Variants in USP17L2 observed in about 807,000 individuals in gnomAD.
USP17L2 encodes the protein ubiquitin specific peptidase 17 like family member 2, also known as ubiquitin carboxyl-terminal hydrolase 17.
In USP17L2, 29 loss-of-function variants were observed where a neutral mutation model predicts 39.8. The observed-to-expected ratio is 0.73, with a 90% CI of 0.54 to 0.99. USP17L2 has a LOEUF of 0.99. USP17L2 is among the 50% of genes least tolerant of loss of function. The probability of loss-of-function intolerance (pLI) is 0.00; values close to 1 mark genes in which losing one functional copy is unlikely to be tolerated. For synonymous variants in USP17L2, 231 were observed against 252.7 expected, an observed-to-expected ratio of 0.91 and a Z score of 0.81; for missense variants, 567 against 647.2, an observed-to-expected ratio of 0.88 and a Z score of 1.35.
Position 12,137,126 on chromosome 8 carries a change from T to C in USP17L2, c.*42A>G, listed in dbSNP as rs1484354249. The C allele has an allele frequency of 5.3e-6, 8 of 1,507,812 alleles. 3 individuals are homozygous for C. The East Asian group carries it at 7.9e-5, about 15-fold the overall frequency. 93.4% of individuals were successfully genotyped at this position (1,507,812 alleles called of 1,614,324 possible). On this transcript the variant is annotated 3_prime_UTR_variant, in exon 1 of 1. Coordinates refer to ENST00000333796, the MANE Select transcript of USP17L2 (RefSeq NM_201402.3). The stretch of plus-strand genomic sequence containing the variant: ...GTGGGTGTATTTGTGCGTGTGTGTG[T>C]GTGCGTTCACCCCTACGTGTGGGTC...
rs749798175 is a variant in USP17L2, at chr8:12,138,575, A to G, written c.186T>C (p.Leu62=). 3.7e-5 allele frequency: 56 copies of G among 1,530,894 alleles called. 6 individuals are homozygous for G. Among genetic ancestry groups the G allele is most frequent in the Admixed American group, 1.6e-4 (9 of 55,844 alleles). 94.8% of individuals were successfully genotyped at this position (1,530,894 alleles called of 1,614,324 possible). A position where few individuals can be genotyped will look rare whatever the true frequency, so the allele number is the denominator to read the frequency against. Residue 62 remains leucine, a synonymous_variant, in exon 1 of 1, where the codon CTT becomes CTC. Coordinates refer to ENST00000333796, the MANE Select transcript of USP17L2 (RefSeq NM_201402.3). The part of the protein sequence containing the change: ...CDDLAPVARQ[L]APRKKLPLSS... ...TCAGAGGAAGCTTCTTCCTGGGAGCAAGCTGTCTTGCCACAGGAGCCAAAT... is the reference window on the plus strand; with the variant it reads ...TCAGAGGAAGCTTCTTCCTGGGAGCGAGCTGTCTTGCCACAGGAGCCAAAT...
rs759007772 is a variant in USP17L2, at chr8:12,138,685, C to A, written c.76G>T (p.Asp26Tyr). 2.0e-6 allele frequency: 3 copies of A among 1,486,526 alleles called. No homozygotes were observed. The highest frequency in any genetic ancestry group is 3.0e-5 in the African/African-American group (2 of 67,360). 92.1% of individuals were successfully genotyped at this position (1,486,526 alleles called of 1,614,324 possible). The change falls in exon 1 of 1, where the codon GAT becomes TAT. Residue 26 changes from aspartate to tyrosine, a missense_variant. Physicochemically the swap from Asp to Tyr is radical, Grantham distance 160. Around this residue, in one of 6 missense-constraint regions of USP17L2, gnomAD observed 120 missense variants for 111.0 expected, o/e 1.08. Coordinates refer to ENST00000333796, the MANE Select transcript of USP17L2 (RefSeq NM_201402.3). ...CGCTGGATTTCAGCAAAAGCTGCAT[C>A]TGGCCGAGAAGATGTGAGTTTTGAA... ...HFSKLTSSRP[D>Y]AAFAEIQRTS...
rs982088147 is a variant in USP17L2, at chr8:12,136,573, G to C, written c.*595C>G. Among the ~76,000 whole-genome samples the C allele has an allele frequency of 1.4e-5, 2 of 140,478 alleles. 1 individual carries two copies. Among genetic ancestry groups the C allele is most frequent in the Admixed American group, 1.4e-4 (2 of 13,812 alleles). The allele number at this position is 140,478 out of a possible 152,430, so 92.2% of individuals were successfully genotyped here. On this transcript the variant is annotated 3_prime_UTR_variant, in exon 1 of 1. Coordinates refer to ENST00000333796, the MANE Select transcript of USP17L2 (RefSeq NM_201402.3). ...GGTCTGTCTGTTTCCGGCGTTATGT[G>C]GGTTCCAGCAAGAGCACAAGTCCCA...
chr8:12,137,000 G>T lies in USP17L2; in HGVS notation c.*168C>A, dbSNP rs1206385012. Among the ~76,000 whole-genome samples, 2 of 140,844 alleles carry T rather than the reference G, an allele frequency of 1.4e-5. No homozygotes were observed. The highest frequency in any genetic ancestry group is 3.1e-5 in the Non-Finnish European group (2 of 64,970). The allele number at this position is 140,844 out of a possible 152,430, so 92.4% of individuals were successfully genotyped here. A position where few individuals can be genotyped will look rare whatever the true frequency, so the allele number is the denominator to read the frequency against. On this transcript the variant is annotated 3_prime_UTR_variant, in exon 1 of 1. Coordinates refer to ENST00000333796, the MANE Select transcript of USP17L2 (RefSeq NM_201402.3). ...CCTGAGATGCAGCCATCACTATCCA[G>T]TTGTCCCTGTTGTAGAGACAGAAAC...
rs1249089358 is a variant in USP17L2 at position 12,136,609 on chromosome 8, G to A, written c.*559C>T. On this transcript the variant is annotated 3_prime_UTR_variant, in exon 1 of 1. Transcript: ENST00000333796. ...AGAGCACAAGTCCCAGGGCGCCTGA[G>A]GTCCATTCAGAAACCAATGTAAAAA... Among the ~76,000 whole-genome samples, 1 of 140,368 alleles carries A rather than the reference G, an allele frequency of 7.1e-6. No homozygotes were observed. Among genetic ancestry groups the A allele is most frequent in the South Asian group, 2.5e-4 (1 of 3,978 alleles). The allele number at this position is 140,368 out of a possible 152,430, so 92.1% of individuals were successfully genotyped here. A position where few individuals can be genotyped will look rare whatever the true frequency, so the allele number is the denominator to read the frequency against.
In USP17L2 at chr8:12,138,623, C is replaced by T. The variant is rs762722707; in HGVS notation, c.138G>A (p.Glu46=). The T allele has an allele frequency of 5.2e-6, 8 of 1,530,328 alleles. 3 individuals carry two copies. The highest frequency in any genetic ancestry group is 3.6e-5 in the Admixed American group (2 of 55,868). The allele number at this position is 1,530,328 out of a possible 1,614,324, so 94.8% of individuals were successfully genotyped here. Residue 46 remains glutamate, a synonymous_variant, in exon 1 of 1, where the codon GAG becomes GAA. Coordinates refer to ENST00000333796, the MANE Select transcript of USP17L2 (RefSeq NM_201402.3). ...AATCATCACAGAGGTCGACACGGGC[C>T]TCAGATGAGAGTGGTGACTTCTCAG... ...SLPEKSPLSS[E]ARVDLCDDLA...
rs752766949 is a variant in USP17L2 at position 12,137,492 on chromosome 8, G to T, written c.1269C>A (p.Arg423=). 2 of 1,532,804 alleles carry T rather than the reference G, an allele frequency of 1.3e-6. No individual in the cohort carries two copies. The highest frequency in any genetic ancestry group is 1.8e-6 in the Non-Finnish European group (2 of 1,135,194). 95.0% of individuals were successfully genotyped at this position (1,532,804 alleles called of 1,614,324 possible). Residue 423 remains arginine, a synonymous_variant, in exon 1 of 1, where the codon CGC becomes CGA. Coordinates refer to ENST00000333796, the MANE Select transcript of USP17L2 (RefSeq NM_201402.3). ...TTTCCTGAGTGGCTCTTTCCACCAA[G>T]CGCTCGTCCAACTCGGGTGCCTGGA... is the stretch of plus-strand genomic sequence containing the variant. ...PCLQAPELDE[R]LVERATQEST...
rs1803265723 is a variant in USP17L2 at position 12,137,209 on chromosome 8, T to C, written c.1552A>G (p.Lys518Glu). ...AGAGCCCTCTTGCTGTGTTTGTTCT[T>C]CCCTTTGGATCTCCTGGTCCTCCCT... Reference protein sequence around the residue: ...LQGRTRRSKGKNKHSKRALLV... With the variant: ...LQGRTRRSKGENKHSKRALLV... The change falls in exon 1 of 1, where the codon AAG (lysine) becomes GAG (glutamate). Residue 518 changes from lysine (K) to glutamate (E), a missense_variant. This residue lies in a region of USP17L2 where 304 missense variants were observed against 254.7 expected (regional missense o/e 1.19). Coordinates refer to ENST00000333796, the MANE Select transcript of USP17L2 (RefSeq NM_201402.3). 4 of 1,530,882 alleles carry C rather than the reference T, an allele frequency of 2.6e-6. No individual in the cohort carries two copies. Among genetic ancestry groups the C allele is most frequent in the Non-Finnish European group, 3.5e-6 (4 of 1,135,306 alleles). 94.8% of individuals were successfully genotyped at this position (1,530,882 alleles called of 1,614,324 possible).
rs1803272800 is a variant in USP17L2 at position 12,137,299 on chromosome 8, T to A, written c.1462A>T (p.Asn488Tyr). 6.5e-7 allele frequency: 1 copy of A among 1,531,340 alleles called. No individual in the cohort carries two copies. Among genetic ancestry groups the A allele is most frequent in the Non-Finnish European group, 8.8e-7 (1 of 1,135,276 alleles). 94.9% of individuals were successfully genotyped at this position (1,531,340 alleles called of 1,614,324 possible). The change falls in exon 1 of 1, where the codon AAC becomes TAC. Residue 488 changes from asparagine to tyrosine, a missense_variant. Asn to Tyr is a moderately radical substitution (Grantham distance 143). Around this residue, in one of 6 missense-constraint regions of USP17L2, gnomAD observed 304 missense variants for 254.7 expected, o/e 1.19. Coordinates refer to ENST00000333796, the MANE Select transcript of USP17L2 (RefSeq NM_201402.3). ...HHPEQQSSLL[N>Y]LSSTTRTDQE... ...TCTGTCCGGGTCGTCGAAGAGAGGT[T>A]TAGCAGGGAGCTTTGCTGTTCAGGA...
rs527934167 is a variant in USP17L2, at chr8:12,136,845, C to G, written c.*323G>C. 3.8e-4 allele frequency among the ~76,000 whole-genome samples: 54 copies of G among 140,490 alleles called. 9 individuals are homozygous for G. Among genetic ancestry groups the G allele is most frequent in the Non-Finnish European group, 4.6e-4 (30 of 64,822 alleles). 92.2% of individuals were successfully genotyped at this position (140,490 alleles called of 152,430 possible). A position where few individuals can be genotyped will look rare whatever the true frequency, so the allele number is the denominator to read the frequency against. ...CAATAACCTCACACTCAAACCTACA[C>G]GTCAGTAGGTCATATTCAGAAATAC... On this transcript the variant is annotated 3_prime_UTR_variant, in exon 1 of 1. Coordinates refer to ENST00000333796, the MANE Select transcript of USP17L2 (RefSeq NM_201402.3).
At position 12,136,811 on chromosome 8, in the gene USP17L2, A is replaced by C. The variant is rs1159915621; in HGVS notation, c.*357T>G. Among the ~76,000 whole-genome samples the C allele has an allele frequency of 7.1e-6, 1 of 140,738 alleles. No homozygotes were observed. The highest frequency in any genetic ancestry group is 2.7e-5 in the African/African-American group (1 of 37,344). The allele number at this position is 140,738 out of a possible 152,430, so 92.3% of individuals were successfully genotyped here. A position where few individuals can be genotyped will look rare whatever the true frequency, so the allele number is the denominator to read the frequency against. On this transcript the variant is annotated 3_prime_UTR_variant, in exon 1 of 1. Transcript: ENST00000333796. Reference sequence around the variant, plus strand: ...CACCCCAAGAGAAAATAGGAAACCGAGTCCCCTGCAATAACCTCACACTCA... The same window carrying C: ...CACCCCAAGAGAAAATAGGAAACCGCGTCCCCTGCAATAACCTCACACTCA...
In USP17L2 at chr8:12,136,711, G is replaced by A. The variant is rs1487968193; in HGVS notation, c.*457C>T. 3.6e-5 allele frequency among the ~76,000 whole-genome samples: 5 copies of A among 140,576 alleles called. No homozygotes were observed. The highest frequency in any genetic ancestry group is 1.3e-4 in the African/African-American group (5 of 37,222). The allele number at this position is 140,576 out of a possible 152,430, so 92.2% of individuals were successfully genotyped here. A position where few individuals can be genotyped will look rare whatever the true frequency, so the allele number is the denominator to read the frequency against. ...TCCAGTTTCCACTATTCAAGGTGGC[G>A]AGAATGATCCATGGATGTGCCACAT... On this transcript the variant is annotated 3_prime_UTR_variant, in exon 1 of 1. Transcript: ENST00000333796.
chr8:12,138,194 G>A lies in USP17L2; in HGVS notation c.567C>T (p.Asp189=), dbSNP rs1398899087. 1 of 1,154,932 alleles carries A rather than the reference G, an allele frequency of 8.7e-7. No homozygotes were observed. The highest frequency in any genetic ancestry group is 2.8e-5 in the East Asian group (1 of 35,750). 71.5% of individuals were successfully genotyped at this position (1,154,932 alleles called of 1,614,324 possible). The part of the protein sequence containing the change: ...GHKQVDHHSK[D]TTLIHQIFGG... ...CAAATATTTGGTGGATGAGGGTGGT[G>A]TCCTTAGAGTGATGATCTACCTGCT... Residue 189 remains aspartate (D), a synonymous_variant, in exon 1 of 1, where the codon GAC becomes GAT. Transcript: ENST00000333796.
Position 12,137,112 on chromosome 8 carries a change from T to C in USP17L2, c.*56A>G, listed in dbSNP as rs1411323599. On this transcript the variant is annotated 3_prime_UTR_variant, in exon 1 of 1. Transcript: ENST00000333796. ...TTGCGTGCGCGCTTGTGGGTGTATTTGTGCGTGTGTGTGTGTGCGTTCACC... is the reference window on the plus strand; with the variant it reads ...TTGCGTGCGCGCTTGTGGGTGTATTCGTGCGTGTGTGTGTGTGCGTTCACC... The C allele has an allele frequency of 5.4e-6, 8 of 1,484,214 alleles. No homozygotes were observed. Among genetic ancestry groups the C allele is most frequent in the Non-Finnish European group, 6.4e-6 (7 of 1,093,968 alleles). The allele number at this position is 1,484,214 out of a possible 1,614,324, so 91.9% of individuals were successfully genotyped here.
At position 12,138,622 on chromosome 8, in the gene USP17L2, C is replaced by T. The variant is rs201878486; in HGVS notation, c.139G>A (p.Ala47Thr). The T allele has an allele frequency of 3.4e-4, 527 of 1,529,218 alleles. 60 individuals carry two copies. The African/African-American group carries it at 6.0e-3, about 17-fold the overall frequency. The allele number at this position is 1,529,218 out of a possible 1,614,324, so 94.7% of individuals were successfully genotyped here. The change falls in exon 1 of 1, where the codon GCC (alanine) becomes ACC (threonine). Residue 47 changes from alanine (A) to threonine (T), a missense_variant. This residue lies in a region of USP17L2 where 120 missense variants were observed against 111.0 expected (regional missense o/e 1.08). Transcript: ENST00000333796. ...AAATCATCACAGAGGTCGACACGGG[C>T]CTCAGATGAGAGTGGTGACTTCTCA... Reference protein sequence around the residue: ...LPEKSPLSSEARVDLCDDLAP... With the variant: ...LPEKSPLSSETRVDLCDDLAP...
Position 12,137,218 on chromosome 8 carries a change from A to G in USP17L2, c.1543T>C (p.Ser515Pro). 1.3e-6 allele frequency: 2 copies of G among 1,530,406 alleles called. No individual in the cohort carries two copies. Among genetic ancestry groups the G allele is most frequent in the Non-Finnish European group, 1.8e-6 (2 of 1,135,176 alleles). The allele number at this position is 1,530,406 out of a possible 1,614,324, so 94.8% of individuals were successfully genotyped here. Residue 515 changes from serine (S) to proline (P), a missense_variant, in exon 1 of 1, where the codon TCC becomes CCC. Around this residue, in one of 6 missense-constraint regions of USP17L2, gnomAD observed 304 missense variants for 254.7 expected, o/e 1.19. Transcript: ENST00000333796. The stretch of plus-strand genomic sequence containing the variant: ...TTGCTGTGTTTGTTCTTCCCTTTGG[A>G]TCTCCTGGTCCTCCCTTGCAGAGAA... ...LASLQGRTRR[S>P]KGKNKHSKRA...
rs368449254 is a variant in USP17L2, at chr8:12,138,650, G to T, written c.111C>A (p.Leu37=). Residue 37 remains leucine (L), a synonymous_variant, in exon 1 of 1, where the codon CTC becomes CTA. Transcript: ENST00000333796. ...AAFAEIQRTS[L]PEKSPLSSEA... is the part of the protein sequence containing the mutation. The stretch of plus-strand genomic sequence containing the variant: ...CAGATGAGAGTGGTGACTTCTCAGG[G>T]AGAGAAGTCCGCTGGATTTCAGCAA... The T allele has an allele frequency of 1.3e-6, 2 of 1,524,860 alleles. No individual in the cohort carries two copies. Among genetic ancestry groups the T allele is most frequent in the African/African-American group, 1.5e-5 (1 of 68,062 alleles). 94.5% of individuals were successfully genotyped at this position (1,524,860 alleles called of 1,614,324 possible).
Position 12,137,151 on chromosome 8 carries a change from C to T in USP17L2, c.*17G>A, listed in dbSNP as rs376732039. The T allele has an allele frequency of 1.6e-4, 240 of 1,528,954 alleles. 23 individuals are homozygous for T. In the African/African-American group the frequency reaches 3.0e-3, roughly 19 times the overall value. The allele number at this position is 1,528,954 out of a possible 1,614,324, so 94.7% of individuals were successfully genotyped here. A position where few individuals can be genotyped will look rare whatever the true frequency, so the allele number is the denominator to read the frequency against. ...TGTGCGTTCACCCCTACGTGTGGGTCGGCACTTCCACTGAGATCACTGGCA... is the reference window on the plus strand; with the variant it reads ...TGTGCGTTCACCCCTACGTGTGGGTTGGCACTTCCACTGAGATCACTGGCA... On this transcript the variant is annotated 3_prime_UTR_variant, in exon 1 of 1. Transcript: ENST00000333796.
At position 12,137,331 on chromosome 8, in the gene USP17L2, T is replaced by G; in HGVS notation, c.1430A>C (p.Asn477Thr). 1 of 1,530,974 alleles carries G rather than the reference T, an allele frequency of 6.5e-7. No individual in the cohort carries two copies. Among genetic ancestry groups the G allele is most frequent in the South Asian group, 1.2e-5 (1 of 81,288 alleles). 94.8% of individuals were successfully genotyped at this position (1,530,974 alleles called of 1,614,324 possible). A position where few individuals can be genotyped will look rare whatever the true frequency, so the allele number is the denominator to read the frequency against. ...HQSKYKCGMK[N>T]HHPEQQSSLL... is the part of the protein sequence containing the mutation. ...GGAGCTTTGCTGTTCAGGATGATGG[T>G]TTTTCATCCCACACTTGTATTTCGA... Residue 477 changes from asparagine to threonine, a missense_variant, in exon 1 of 1, where the codon AAC (asparagine) becomes ACC (threonine). By Grantham distance (65) the Asn-to-Thr change is moderately conservative. This residue lies in a region of USP17L2 where 304 missense variants were observed against 254.7 expected (regional missense o/e 1.19). Transcript: ENST00000333796.
Sources: allele counts gnomAD v4.1 joint callset (sites outside exome capture counted in the v4.1 genomes callset), GRCh38; gene constraint gnomAD v4.1.1; regional missense constraint gnomAD v4.1.1; transcripts MANE v1.5; gene names NCBI Gene and HGNC (gene_info 2026-07-23, HGNC 2026-07-21).